The following SPATC1L variants were observed in gnomAD, a reference collection of about 807,000 sequenced individuals.
SPATC1L encodes speriolin-like protein.
A neutral mutation model predicts 21.2 loss-of-function variants in SPATC1L; 20 were observed. The ratio of observed to expected loss-of-function variants is 0.94; its 90% CI spans 0.66 to 1.37. SPATC1L has a LOEUF of 1.37. Among genes scored for constraint, SPATC1L ranks in the 40% most tolerant of loss-of-function variants. The pLI is 0.00. For missense variants in SPATC1L, 499 were observed against 478.7 expected (o/e 1.04, Z -0.40); for synonymous variants, 290 against 234.5 (o/e 1.24, Z -2.16).
intron 1 of SPATC1L, among the ~76,000 whole-genome samples, 178 bp from the exon 2 acceptor site, chr21:46,183,952 TG>T (rs1445448256): frequency 6.8e-5 from 9 of 133,084 alleles, no homozygotes; most frequent in Non-Finnish European, 1.5e-4. Flanking sequence ...GAGACCAGCC[TG>T]GGGGAGGAGA....
At chr21:46,165,056 A>C (rs762077879) in intron 3 of SPATC1L, among the ~76,000 whole-genome samples, 5 of 152,232 alleles carry the variant, frequency 3.3e-5, no homozygotes, top group Admixed American at 6.5e-5. Flanking sequence ...TAGAGATGCC[A>C]CTACCACAGA....
In SPATC1L at chr21:46,182,906, G is replaced by A; in HGVS notation, c.-90C>T. On this transcript the variant is annotated 5_prime_UTR_variant, in exon 2 of 5. Coordinates refer to ENST00000291672, the MANE Select transcript of SPATC1L (RefSeq NM_001142854.2). ...CCGCAGGCACCACAGAAACAGCCCA[G>A]GCACGGAGTTCCGTAGCCACCACCG... 7.5e-7 allele frequency: 1 copy of A among 1,339,288 alleles called. No individual in the cohort carries two copies. The highest frequency in any genetic ancestry group is 9.9e-7 in the Non-Finnish European group (1 of 1,010,756). The allele number at this position is 1,339,288 out of a possible 1,614,324, so 83.0% of individuals were successfully genotyped here. A position where few individuals can be genotyped will look rare whatever the true frequency, so the allele number is the denominator to read the frequency against.
At chr21:46,173,363 A>G (rs2079607933) in intron 2 of SPATC1L, among the ~76,000 whole-genome samples, 1 of 152,100 alleles carries the variant, frequency 6.6e-6, no homozygotes, top group Non-Finnish European at 1.5e-5. Context: ...CCCGACGGCC[A>G]CACACCAGCC....
In SPATC1L at chr21:46,168,347, G is replaced by A; in HGVS notation, c.505C>T (p.Pro169Ser). Reference sequence around the variant, plus strand: ...CTCCTCCTGGTCCTGTCCCCGGTGGGCAGGCTGCTCTCCGAGAAACACACC... The same window carrying A: ...CTCCTCCTGGTCCTGTCCCCGGTGGACAGGCTGCTCTCCGAGAAACACACC... Reference protein sequence around the residue: ...KKVCFSESSLPTGDRTRRSYY... With the variant: ...KKVCFSESSLSTGDRTRRSYY... The change falls in exon 3 of 5, where the codon CCC (proline) becomes TCC (serine). Residue 169 changes from proline (P) to serine (S), a missense_variant. Pro to Ser is a moderately conservative substitution (Grantham distance 74). Transcript: ENST00000291672. 6.3e-7 allele frequency: 1 copy of A among 1,600,000 alleles called. No homozygotes were observed. The highest frequency in any genetic ancestry group is 8.6e-7 in the Non-Finnish European group (1 of 1,169,332).
intron 4 of SPATC1L, 46 bp downstream of exon 4, chr21:46,161,870 C>T (rs374432155): frequency 3.1e-6 from 5 of 1,587,530 alleles, no homozygotes; most frequent in South Asian, 1.1e-5. Flanking sequence ...AGGGACGGAC[C>T]GAGCGCCCCG....
intron 3 of SPATC1L, among the ~76,000 whole-genome samples, chr21:46,163,605 T>C (rs1239573254): frequency 1.3e-5 from 2 of 152,216 alleles, no homozygotes; most frequent in East Asian, 3.8e-4. Flanking sequence ...TAGACAGTAT[T>C]CAGTCCCTCC....
intron 2 of SPATC1L, among the ~76,000 whole-genome samples, chr21:46,180,388 G>T (rs1360800862): frequency 6.6e-6 from 1 of 152,234 alleles, no homozygotes; most frequent in Non-Finnish European, 1.5e-5. Flanking sequence ...GGCTGCCTTT[G>T]CGGAGGGGGC....
intron 4 of SPATC1L, 105 bp from the exon 5 acceptor site, chr21:46,161,810 C>A: frequency 6.6e-7 from 1 of 1,505,810 alleles, no homozygotes; most frequent in Non-Finnish European, 8.9e-7. Context: ...TCCCCGGGGT[C>A]CCCTCCTGCG....
chr21:46,172,477 A>G (rs1429642074), intron 2 of SPATC1L, among the ~76,000 whole-genome samples: 1 of 152,230 alleles, frequency 6.6e-6, no homozygotes. Flanking sequence ...CAAAAATAAG[A>G]ACAGGAAGGA....
chr21:46,182,418 G>T (rs769608974), intron 2 of SPATC1L, among the ~76,000 whole-genome samples: 1 of 152,192 alleles, frequency 6.6e-6, no homozygotes, highest in Admixed American at 6.5e-5. Flanking sequence ...CTCCCACTTC[G>T]CCAGCGACCG....
chr21:46,161,849 G>A, intron 4 of SPATC1L, 67 bp downstream of exon 4: 1 of 1,563,484 alleles, frequency 6.4e-7, no homozygotes, highest in Non-Finnish European at 8.6e-7. Flanking sequence ...GCCAAGATCT[G>A]GGGGCCGCAC....
chr21:46,164,794 G>GAAAAAAAAAAAAAAAAA (rs72042671), intron 3 of SPATC1L, among the ~76,000 whole-genome samples: 4 of 86,452 alleles, frequency 4.6e-5, no homozygotes, highest in South Asian at 4.4e-4. Flanking sequence ...TCCATCTCAA[G>GAAAAAAAAAAAAAAAAA]AAAAAAAAAA....
chr21:46,174,326 CTG>C (rs2079613471), intron 2 of SPATC1L, among the ~76,000 whole-genome samples: 1 of 117,020 alleles, frequency 8.5e-6, no homozygotes, highest in Admixed American at 9.6e-5. Context: ...GAGCAAGACT[CTG>C]TCTCAAAAAA....
chr21:46,162,043 T>C lies in SPATC1L; in HGVS notation c.569A>G (p.Glu190Gly). 6.3e-6 allele frequency: 10 copies of C among 1,585,056 alleles called. No homozygotes were observed. The highest frequency in any genetic ancestry group is 8.6e-6 in the Non-Finnish European group (10 of 1,168,144). ...LNEIQSFAGA[E>G]KDARVVGEIA... The stretch of plus-strand genomic sequence containing the variant: ...CTCGCCCACCACGCGCGCGTCCTTC[T>C]CGGCGCCCGCGAAGCTCTGGATCTC... Residue 190 changes from glutamate to glycine, a missense_variant, in exon 4 of 5, where the codon GAG becomes GGG. Transcript: ENST00000291672.
intron 4 of SPATC1L, 27 bp downstream of exon 4, chr21:46,161,889 T>TGGCCGC: frequency 6.3e-7 from 1 of 1,599,172 alleles, no homozygotes; most frequent in South Asian, 1.1e-5. Context: ...CGCACCCTCC[T>TGGCCGC]GGCCGCGCCC....
intron 2 of SPATC1L, among the ~76,000 whole-genome samples, chr21:46,180,287 C>A (rs551467804): frequency 2.6e-5 from 4 of 152,292 alleles, no homozygotes; most frequent in Admixed American, 6.5e-5. Context: ...CGGAACAGCA[C>A]AATCCCGTGT....
chr21:46,168,019 G>A (rs2079552662), intron 3 of SPATC1L, among the ~76,000 whole-genome samples: 1 of 152,104 alleles, frequency 6.6e-6, no homozygotes, highest in Admixed American at 6.5e-5. Flanking sequence ...CCATGGAGTG[G>A]GAGACCGTAT....
chr21:46,171,700 T>C (rs1258802038), intron 2 of SPATC1L, among the ~76,000 whole-genome samples: 2 of 151,988 alleles, frequency 1.3e-5, no homozygotes, highest in Non-Finnish European at 2.9e-5. Context: ...CAATAAGAAG[T>C]AGAAAACCTA....
At chr21:46,182,528 C>G (rs1371547469) in intron 2 of SPATC1L, 96 bp downstream of exon 2, 3 of 1,188,390 alleles carry the variant, frequency 2.5e-6, no homozygotes, top group South Asian at 3.4e-5. Context: ...CGTGACCTCC[C>G]GCATCAGGGA....
Sources: gnomAD v4.1 joint callset for allele counts (sites outside exome capture counted in the v4.1 genomes callset) on GRCh38, gnomAD v4.1.1 for gene constraint, MANE v1.5 for transcripts, NCBI Gene and HGNC (gene_info 2026-07-23, HGNC 2026-07-21) for gene names.